Variants in HECW2 observed in about 807,000 individuals in gnomAD.
The protein encoded by HECW2 is E3 ubiquitin-protein ligase HECW2.
A neutral mutation model predicts 175.2 loss-of-function variants in HECW2; 61 were observed. The observed-to-expected ratio is 0.35, with a 90% CI of 0.28 to 0.43. HECW2 has a LOEUF of 0.43. HECW2 is among the 20% of genes least tolerant of loss of function. HECW2 has a pLI of 1.00. For missense variants in HECW2, 1,524 were observed against 2,000.5 expected (o/e 0.76, Z 4.54); for synonymous variants, 671 against 731.0 (o/e 0.92, Z 1.32).
Position 196,197,133 on chromosome 2 carries a change from T to C in HECW2, c.*4144A>G, listed in dbSNP as rs1454179891. The stretch of plus-strand genomic sequence containing the variant: ...CTGAAACTGAGACTCAGTTTGGAGA[T>C]TAGACCACATTCTTCTTATGCATGT... On this transcript the variant is annotated 3_prime_UTR_variant, in exon 29 of 29. Coordinates refer to ENST00000644978, the MANE Select transcript of HECW2 (RefSeq NM_001348768.2). The C allele has an allele frequency of 6.6e-6, 1 of 151,984 alleles. No individual in the cohort carries two copies. The highest frequency in any genetic ancestry group is 2.4e-5 in the African/African-American group (1 of 41,386). 9.4% of individuals were successfully genotyped at this position (151,984 alleles called of 1,614,324 possible).
chr2:196,302,135 T>C (rs956648057), intron 13 of HECW2, among the ~76,000 whole-genome samples: 11 of 152,216 alleles, frequency 7.2e-5, no homozygotes, highest in Admixed American at 2.6e-4. Flanking sequence ...ACTTATTAAA[T>C]AGGGAATCAA....
intron 1 of HECW2, chr2:196,493,327 C>T (rs1298425101): frequency 1.3e-5 from 2 of 152,176 alleles, no homozygotes; most frequent in Admixed American, 1.3e-4. Flanking sequence ...GTGACTGCAC[C>T]ATCGCACTCC....
intron 3 of HECW2, among the ~76,000 whole-genome samples, chr2:196,340,249 C>A (rs994218021): frequency 1.3e-5 from 2 of 152,082 alleles, no homozygotes; most frequent in African/African-American, 2.4e-5. Context: ...GAGATTCAAC[C>A]AACATTCCAT....
In HECW2 at chr2:196,575,443, A is replaced by T. The variant is rs190594964; in HGVS notation, c.-36+18065T>A. 6.6e-4 allele frequency among the ~76,000 whole-genome samples: 100 copies of T among 152,294 alleles called. No homozygotes were observed. The South Asian group carries it at 7.1e-3, about 11-fold the overall frequency. On this transcript the variant is annotated intron_variant, in intron 1 of 28. Transcript: ENST00000644978. ...CCCAAGGAAATGAAATTAGTATCTC[A>T]AAAAGACATCCGCACTCCCATGTTC...
intron 16 of HECW2, among the ~76,000 whole-genome samples, chr2:196,273,049 A>ATTTTTTTTTTTTTTTTTT (rs778348590): frequency 1.1e-4 from 13 of 113,118 alleles, no homozygotes; most frequent in African/African-American, 2.3e-4. Context: ...AGCTGGTCTA[A>ATTTTTTTTTTTTTTTTTT]TTTTTTTTTT....
intron 19 of HECW2, among the ~76,000 whole-genome samples, chr2:196,246,532 C>G (rs909858724): frequency 6.6e-6 from 1 of 151,614 alleles, no homozygotes; most frequent in African/African-American, 2.4e-5. Context: ...CTACAGGCGT[C>G]TGCCACCACG....
intron 2 of HECW2, among the ~76,000 whole-genome samples, chr2:196,352,605 G>C (rs1264503718): frequency 6.8e-6 from 1 of 147,654 alleles, no homozygotes; most frequent in Non-Finnish European, 1.5e-5. Context: ...GCCAACTGGA[G>C]AATGTGAAAT....
chr2:196,452,227 CA>C (rs1190979984), intron 1 of HECW2, among the ~76,000 whole-genome samples: 2 of 151,898 alleles, frequency 1.3e-5, no homozygotes, highest in Non-Finnish European at 2.9e-5. Flanking sequence ...AGAATTAGCA[CA>C]AAAAAATTAA....
At chr2:196,484,438 C>T (rs540626021) in intron 1 of HECW2, among the ~76,000 whole-genome samples, 4 of 152,164 alleles carry the variant, frequency 2.6e-5, no homozygotes, top group Non-Finnish European at 5.9e-5. Flanking sequence ...GCTTACACAG[C>T]GTGATCCTGA....
chr2:196,402,601 T>C (rs866204027), intron 2 of HECW2, among the ~76,000 whole-genome samples: 17 of 152,196 alleles, frequency 1.1e-4, no homozygotes, highest in Non-Finnish European at 1.5e-4. Context: ...TATTCAATGA[T>C]ATATTTTTCA....
chr2:196,202,465 G>A (rs961082293), intron 28 of HECW2, among the ~76,000 whole-genome samples: 1 of 152,162 alleles, frequency 6.6e-6, no homozygotes, highest in African/African-American at 2.4e-5. Flanking sequence ...TTAAAACTCT[G>A]AGCCCGTATT....
rs1192179123 is a variant in HECW2, at chr2:196,337,811, C to G, written c.401-3293G>C. ...GGACCTGATATCGGCTGAGCCAGGT[C>G]TAGCCTCAGGAGGAAGAGAACAGAG... is the stretch of plus-strand genomic sequence containing the variant. On this transcript the variant is annotated intron_variant, in intron 3 of 28. Transcript: ENST00000644978. Among the ~76,000 whole-genome samples, 6 of 152,178 alleles carry G rather than the reference C, an allele frequency of 3.9e-5. No homozygotes were observed. In the East Asian group the frequency reaches 1.2e-3, roughly 29 times the overall value.
intron 1 of HECW2, among the ~76,000 whole-genome samples, chr2:196,583,332 T>C (rs1450268683): frequency 2.0e-5 from 3 of 152,210 alleles, no homozygotes; most frequent in African/African-American, 7.2e-5. Flanking sequence ...ACTGATGAAA[T>C]CTTCATTTCC....
chr2:196,225,629 G>T, intron 23 of HECW2, 143 bp downstream of exon 23: 1 of 553,872 alleles, frequency 1.8e-6, no homozygotes. Context: ...ATTAGTTTCA[G>T]AAATCTAAAC....
In HECW2 at chr2:196,586,347, T is replaced by C. The variant is rs150587853; in HGVS notation, c.-36+7161A>G. Reference sequence around the variant, plus strand: ...ATACCACTTGATATAACACAAATCATTTCTAATCACTGTCATAAGGAAATG... The same window carrying C: ...ATACCACTTGATATAACACAAATCACTTCTAATCACTGTCATAAGGAAATG... On this transcript the variant is annotated intron_variant, in intron 1 of 28. Coordinates refer to ENST00000644978, the MANE Select transcript of HECW2 (RefSeq NM_001348768.2). 4.7e-3 allele frequency among the ~76,000 whole-genome samples: 722 copies of C among 152,288 alleles called. 4 individuals carry two copies. The highest frequency in any genetic ancestry group is 0.016 in the African/African-American group (676 of 41,554).
rs377063164 is a variant in HECW2, at chr2:196,301,725, G to GT, written c.2814+4762dup. Among the ~76,000 whole-genome samples, 437 of 112,872 alleles carry GT rather than the reference G, an allele frequency of 3.9e-3. 3 individuals carry two copies. The highest frequency in any genetic ancestry group is 7.7e-3 in the Admixed American group (90 of 11,732). The allele number at this position is 112,872 out of a possible 152,430, so 74.0% of individuals were successfully genotyped here. A position where few individuals can be genotyped will look rare whatever the true frequency, so the allele number is the denominator to read the frequency against. ...CCTCTGCCCACTTTTTAATGGGATT[G>GT]TTTTTTTTTTTTTTTTCTTGTAGAT... On this transcript the variant is annotated intron_variant, in intron 13 of 28. Coordinates refer to ENST00000644978, the MANE Select transcript of HECW2 (RefSeq NM_001348768.2).
At chr2:196,364,778 A>G (rs1217912949) in intron 2 of HECW2, among the ~76,000 whole-genome samples, 1 of 152,252 alleles carries the variant, frequency 6.6e-6, no homozygotes, top group Non-Finnish European at 1.5e-5. Flanking sequence ...AATTACAATT[A>G]TGACACATGC....
At chr2:196,261,139 G>A (rs894874522) in intron 17 of HECW2, among the ~76,000 whole-genome samples, 1 of 151,984 alleles carries the variant, frequency 6.6e-6, no homozygotes, top group Non-Finnish European at 1.5e-5. Context: ...TGCCACTTAC[G>A]CACACTTCGC....
chr2:196,279,272 T>G (rs1480866770), intron 14 of HECW2, among the ~76,000 whole-genome samples: 3 of 152,132 alleles, frequency 2.0e-5, no homozygotes, highest in Non-Finnish European at 2.9e-5. Flanking sequence ...ATAGTCTCAA[T>G]CTCCTGACCT....
Sources: allele counts gnomAD v4.1 joint callset (sites outside exome capture counted in the v4.1 genomes callset), GRCh38; gene constraint gnomAD v4.1.1; transcripts MANE v1.5; gene names NCBI Gene and HGNC (gene_info 2026-07-23, HGNC 2026-07-21).